Variants in SLC47A2 observed in about 807,000 individuals in gnomAD.
The protein encoded by SLC47A2 is solute carrier family 47 member 2.
In SLC47A2, 52 loss-of-function variants were observed where a neutral mutation model predicts 67.7. That is an observed-to-expected ratio of 0.77 (90% CI 0.61 to 0.97). SLC47A2 has a LOEUF of 0.97. SLC47A2 is among the 50% of genes least tolerant of loss of function. SLC47A2 has a pLI of 0.00. For synonymous variants in SLC47A2, 278 were observed against 292.9 expected (o/e 0.95, Z 0.52); for missense variants, 676 against 712.3 (o/e 0.95, Z 0.58).
chr17:19,707,471 C>T (rs888923033), intron 8 of SLC47A2, among the ~76,000 whole-genome samples: 2 of 152,216 alleles, frequency 1.3e-5, no homozygotes, highest in Non-Finnish European at 2.9e-5. Context: ...TCACTGCTCT[C>T]ACCGCCATCC....
rs555536547 is a variant in SLC47A2, at chr17:19,694,151, GCCCA to G, written c.1164+8450_1164+8453del. On this transcript the variant is annotated intron_variant, in intron 13 of 16. Coordinates refer to ENST00000433844, the MANE Select transcript of SLC47A2 (RefSeq NM_001099646.3). The stretch of plus-strand genomic sequence containing the variant: ...TTCTAAATAACTAGAGACATTCTGT[GCCCA>G]TGGATTGGAGGCCTCAATATTGTTA... 7.3e-3 allele frequency among the ~76,000 whole-genome samples: 1,117 copies of G among 152,226 alleles called. 5 individuals are homozygous for G. Among genetic ancestry groups the G allele is most frequent in the Non-Finnish European group, 0.013 (872 of 68,018 alleles).
At chr17:19,698,946 TAGG>T (rs1185880127) in intron 13 of SLC47A2, among the ~76,000 whole-genome samples, 1 of 152,196 alleles carries the variant, frequency 6.6e-6, no homozygotes, top group African/African-American at 2.4e-5. Flanking sequence ...TTTAAACTCA[TAGG>T]AGGATGGGCA....
chr17:19,680,751 G>T (rs1371390067), intron 15 of SLC47A2, among the ~76,000 whole-genome samples: 1 of 152,140 alleles, frequency 6.6e-6, no homozygotes, highest in Non-Finnish European at 1.5e-5. Flanking sequence ...CACGCTCGGG[G>T]GTTCATCTGG....
chr17:19,679,024 C>G (rs781230117), intron 16 of SLC47A2, 118 bp from the exon 17 acceptor site: 9 of 770,148 alleles, frequency 1.2e-5, no homozygotes, highest in Non-Finnish European at 2.0e-5. Context: ...TCACAAGGGA[C>G]GATGCCTATA....
intron 13 of SLC47A2, among the ~76,000 whole-genome samples, chr17:19,698,991 A>G (rs1839156565): frequency 6.6e-6 from 1 of 152,246 alleles, no homozygotes; most frequent in African/African-American, 2.4e-5. Flanking sequence ...GCCGTTTTAT[A>G]TCAGGAACTT....
intron 13 of SLC47A2, among the ~76,000 whole-genome samples, chr17:19,696,295 CAAAAA>C (rs397960037): frequency 1.7e-5 from 2 of 116,400 alleles, no homozygotes; most frequent in East Asian, 4.8e-4. Flanking sequence ...TACTAAAATA[CAAAAA>C]AAAAAAAAAA....
chr17:19,713,356 C>G (rs1281496770), intron 4 of SLC47A2, among the ~76,000 whole-genome samples: 4 of 151,848 alleles, frequency 2.6e-5, no homozygotes, highest in Non-Finnish European at 5.9e-5. Context: ...CCACTGCACT[C>G]CAGCCTGGGC....
Position 19,708,420 on chromosome 17 carries a change from C to A in SLC47A2, c.532-21G>T, listed in dbSNP as rs1225669586. ...ATCTTCTGAAATAAATGAAAACTGG[C>A]CCTGCTAAGGTGTGAGTGAGATGGA... is the stretch of plus-strand genomic sequence containing the variant. On this transcript the variant is annotated intron_variant, in intron 6 of 16. Transcript: ENST00000433844. 9 of 1,614,036 alleles carry A rather than the reference C, an allele frequency of 5.6e-6. No homozygotes were observed. Among genetic ancestry groups the A allele is most frequent in the Non-Finnish European group, 7.6e-6 (9 of 1,180,046 alleles).
At chr17:19,713,118 G>A (rs902124900) in intron 4 of SLC47A2, among the ~76,000 whole-genome samples, 6 of 152,252 alleles carry the variant, frequency 3.9e-5, no homozygotes, top group Admixed American at 6.5e-5. Context: ...GGCCGGGTGC[G>A]ATGGCTCATG....
rs774168871 is a variant in SLC47A2 at position 19,713,992 on chromosome 17, C to A, written c.295-19G>T. 5.6e-6 allele frequency: 9 copies of A among 1,605,592 alleles called. No homozygotes were observed. In the South Asian group the frequency reaches 8.8e-5, roughly 16 times the overall value. The stretch of plus-strand genomic sequence containing the variant: ...CGAAGCTCTGCAAAACAGCCCGCCC[C>A]GCGTCAGCCGTTTCCACTGCCCGGG... On this transcript the variant is annotated intron_variant, in intron 3 of 16. Coordinates refer to ENST00000433844, the MANE Select transcript of SLC47A2 (RefSeq NM_001099646.3).
chr17:19,703,307 A>C, intron 11 of SLC47A2, 140 bp from the exon 12 acceptor site: 2 of 703,726 alleles, frequency 2.8e-6, no homozygotes, highest in Non-Finnish European at 5.0e-6. Context: ...ACAGGCCTTC[A>C]TGTCCCCCGC....
chr17:19,698,180 C>A (rs1011150842), intron 13 of SLC47A2, among the ~76,000 whole-genome samples: 3 of 152,150 alleles, frequency 2.0e-5, no homozygotes, highest in African/African-American at 7.2e-5. Flanking sequence ...AGGAGTGATA[C>A]TACCCAATTT....
intron 13 of SLC47A2, among the ~76,000 whole-genome samples, chr17:19,700,320 G>A (rs749461209): frequency 1.1e-4 from 16 of 152,084 alleles, no homozygotes; most frequent in African/African-American, 1.7e-4. Flanking sequence ...AGAAAAAACC[G>A]ACTAGCCAGG....
intron 5 of SLC47A2, among the ~76,000 whole-genome samples, chr17:19,711,561 C>T (rs139512164): frequency 7.9e-6 from 1 of 127,140 alleles, no homozygotes; most frequent in African/African-American, 3.0e-5. Context: ...TGCACTCCAG[C>T]CTGGATGACA....
At chr17:19,692,623 T>C (rs2386141) in intron 13 of SLC47A2, among the ~76,000 whole-genome samples, 93,681 of 152,084 alleles carry the variant, frequency 0.62, 29,469 homozygotes, top group East Asian at 0.98. Flanking sequence ...AGAAATAATG[T>C]CAGTTCTTCA....
chr17:19,718,577 A>C (rs976992202), upstream of SLC47A2: 1 of 152,346 alleles, frequency 6.6e-6, no homozygotes, highest in African/African-American at 2.4e-5. Flanking sequence ...TCTCAGGAAC[A>C]TTCCCAGGAT....
chr17:19,703,001 A>G, intron 12 of SLC47A2, 91 bp downstream of exon 12: 1 of 1,385,980 alleles, frequency 7.2e-7, no homozygotes, highest in Non-Finnish European at 1.0e-6. Flanking sequence ...CTTTGGGCCC[A>G]GCACTGAGCC....
intron 13 of SLC47A2, among the ~76,000 whole-genome samples, chr17:19,690,854 C>T (rs1422601586): frequency 1.3e-5 from 2 of 151,896 alleles, no homozygotes; most frequent in African/African-American, 4.8e-5. Flanking sequence ...CACGGTGGCT[C>T]ACGGCCTGTA....
rs769542915 is a variant in SLC47A2 at position 19,713,922 on chromosome 17, C to G, written c.346G>C (p.Ala116Pro). 1 of 1,613,430 alleles carries G rather than the reference C, an allele frequency of 6.2e-7. No homozygotes were observed. The highest frequency in any genetic ancestry group is 8.5e-7 in the Non-Finnish European group (1 of 1,179,626). Reference protein sequence around the residue: ...KHVGVILQRGALVLLLCCLPC... With the variant: ...KHVGVILQRGPLVLLLCCLPC... Reference sequence around the variant, plus strand: ...AGGCAGCAGAGGAGCAGGACCAGCGCGCCCCGCTGCAGGATCACGCCCACG... The same window carrying G: ...AGGCAGCAGAGGAGCAGGACCAGCGGGCCCCGCTGCAGGATCACGCCCACG... The change falls in exon 4 of 17, where the codon GCG becomes CCG. Residue 116 changes from alanine (A) to proline (P), a missense_variant. Transcript: ENST00000433844.
Sources: gnomAD v4.1 joint callset for allele counts (sites outside exome capture counted in the v4.1 genomes callset) on GRCh38, gnomAD v4.1.1 for gene constraint, MANE v1.5 for transcripts, NCBI Gene and HGNC (gene_info 2026-07-23, HGNC 2026-07-21) for gene names.